Variants in KDM4C observed in about 807,000 individuals in gnomAD.
KDM4C encodes the protein lysine-specific demethylase 4C.
A neutral mutation model predicts 129.3 loss-of-function variants in KDM4C; 81 were observed. The ratio of observed to expected loss-of-function variants is 0.63; its 90% CI spans 0.52 to 0.75. KDM4C has a LOEUF of 0.75. Among genes scored for constraint, KDM4C ranks in the 30% least tolerant of loss-of-function variants. The pLI is 0.00. For missense variants in KDM4C, 1,457 were observed against 1,304.0 expected, an observed-to-expected ratio of 1.12 and a Z score of -1.81; for synonymous variants, 573 against 456.1, an observed-to-expected ratio of 1.26 and a Z score of -3.26.
At chr9:6,925,024 C>T in intron 8 of KDM4C, 1 of 985,314 alleles carries the variant, frequency 1.0e-6, no homozygotes, top group Non-Finnish European at 1.2e-6. Context: ...TTCTGAAGTT[C>T]TGAAATGAAC....
chr9:6,964,424 C>CT (rs367678144), intron 8 of KDM4C, among the ~76,000 whole-genome samples: 7 of 152,028 alleles, frequency 4.6e-5, no homozygotes, highest in African/African-American at 9.7e-5. Context: ...TGAACTCATC[C>CT]TTTTTTTATG....
intron 19 of KDM4C, among the ~76,000 whole-genome samples, chr9:7,143,523 A>T (rs1001693350): frequency 2.6e-5 from 4 of 152,176 alleles, no homozygotes; most frequent in African/African-American, 9.7e-5. Context: ...AGTAAAGCGA[A>T]ATTTACCACC....
intron 19 of KDM4C, among the ~76,000 whole-genome samples, chr9:7,159,994 A>G (rs1172287113): frequency 6.6e-6 from 1 of 152,078 alleles, no homozygotes; most frequent in Admixed American, 6.5e-5. Context: ...TGGTCTTTTC[A>G]CATAGACCCA....
At chr9:6,977,787 T>C (rs1016994014) in intron 8 of KDM4C, among the ~76,000 whole-genome samples, 13 of 152,136 alleles carry the variant, frequency 8.5e-5, no homozygotes, top group Non-Finnish European at 8.8e-5. Context: ...CCTGTGACAA[T>C]GGCCCAGTCC....
intron 1 of KDM4C, among the ~76,000 whole-genome samples, chr9:6,762,336 T>TA (rs1455034748): frequency 3.3e-5 from 5 of 151,582 alleles, no homozygotes; most frequent in African/African-American, 1.2e-4. Context: ...CTTTTTCAGT[T>TA]AAAAAAATTT....
chr9:6,912,905 A>G (rs553507306), intron 8 of KDM4C, among the ~76,000 whole-genome samples: 1 of 152,250 alleles, frequency 6.6e-6, no homozygotes, highest in African/African-American at 2.4e-5. Context: ...TATTGTTGAT[A>G]TTTCAAGAAT....
At chr9:6,836,820 A>G (rs1322493959) in intron 4 of KDM4C, among the ~76,000 whole-genome samples, 9 of 151,888 alleles carry the variant, frequency 5.9e-5, no homozygotes, top group Non-Finnish European at 1.3e-4. Flanking sequence ...TACTTTGTGA[A>G]TTTACAACTT....
intron 1 of KDM4C, among the ~76,000 whole-genome samples, chr9:6,774,993 C>CAAGGG: frequency 1.3e-5 from 2 of 152,100 alleles, no homozygotes; most frequent in Non-Finnish European, 2.9e-5. Flanking sequence ...TAGTTTAAGG[C>CAAGGG]TTTCTGAGAT....
At chr9:6,849,263 C>G (rs1482863625) in intron 4 of KDM4C, among the ~76,000 whole-genome samples, 2 of 152,178 alleles carry the variant, frequency 1.3e-5, no homozygotes, top group African/African-American at 4.8e-5. Flanking sequence ...CATCAGGAAG[C>G]TATTTGGTAT....
chr9:6,954,910 A>G (rs1828798031), intron 8 of KDM4C, among the ~76,000 whole-genome samples: 1 of 152,250 alleles, frequency 6.6e-6, no homozygotes, highest in African/African-American at 2.4e-5. Flanking sequence ...ATTGGGAATT[A>G]AAGGCCAGAA....
intron 3 of KDM4C, among the ~76,000 whole-genome samples, chr9:6,810,863 C>A (rs1371405148): frequency 6.6e-6 from 1 of 151,942 alleles, no homozygotes; most frequent in South Asian, 2.1e-4. Context: ...AAGAGCAAGA[C>A]CCTGTCTCCA....
chr9:6,889,454 C>T (rs528927081), intron 7 of KDM4C, among the ~76,000 whole-genome samples: 3 of 152,090 alleles, frequency 2.0e-5, no homozygotes, highest in Admixed American at 6.6e-5. Context: ...AGATGTGCAC[C>T]GTGGGGGCTG....
At chr9:6,791,465 C>T (rs1826596754) in intron 1 of KDM4C, among the ~76,000 whole-genome samples, 1 of 152,150 alleles carries the variant, frequency 6.6e-6, no homozygotes, top group Admixed American at 6.6e-5. Context: ...AAGGTGAAGA[C>T]AGACCTCATC....
intron 19 of KDM4C, among the ~76,000 whole-genome samples, chr9:7,134,840 A>C (rs1841020614): frequency 6.6e-6 from 1 of 152,232 alleles, no homozygotes; most frequent in South Asian, 2.1e-4. Flanking sequence ...GTTATTGGGC[A>C]GGGGCTCCTA....
At position 7,103,682 on chromosome 9, in the gene KDM4C, C is replaced by T; in HGVS notation, c.2425-3C>T. 6.2e-7 allele frequency: 1 copy of T among 1,611,614 alleles called. No individual in the cohort carries two copies. The highest frequency in any genetic ancestry group is 1.1e-5 in the South Asian group (1 of 91,018). On this transcript the variant is annotated splice_region_variant and splice_polypyrimidine_tract_variant and intron_variant, in intron 17 of 21. Transcript: ENST00000381309. The stretch of plus-strand genomic sequence containing the variant: ...GATGTTCTTCTCTGTTTTAACCTTC[C>T]AGAAATGCATCTTCTGCAGACACCG...
intron 17 of KDM4C, among the ~76,000 whole-genome samples, chr9:7,075,473 G>A (rs772555488): frequency 2.0e-5 from 3 of 152,052 alleles, no homozygotes; most frequent in South Asian, 2.1e-4. Flanking sequence ...CCTCACTGAC[G>A]GAATAAGTTA....
intron 1 of KDM4C, among the ~76,000 whole-genome samples, chr9:6,762,347 C>G (rs1368097193): frequency 6.9e-6 from 1 of 143,968 alleles, no homozygotes; most frequent in Non-Finnish European, 1.5e-5. Flanking sequence ...AAAAAAATTT[C>G]TGTTTGTAGA....
In KDM4C at chr9:6,829,415, AG is replaced by A. The variant is rs1304167354; in HGVS notation, c.435+14672del. ...GTGAGAATTCAGTGAGAATTACTAA[AG>A]GAGAAAGAACATGAAACTCAGAGGT... is the stretch of plus-strand genomic sequence containing the variant. On this transcript the variant is annotated intron_variant, in intron 4 of 21. Coordinates refer to ENST00000381309, the MANE Select transcript of KDM4C (RefSeq NM_015061.6). 2.0e-5 allele frequency among the ~76,000 whole-genome samples: 3 copies of A among 152,230 alleles called. No individual in the cohort carries two copies. The East Asian group carries it at 5.8e-4, about 29-fold the overall frequency.
chr9:6,790,273 T>C (rs369152165), intron 1 of KDM4C, among the ~76,000 whole-genome samples: 5 of 150,196 alleles, frequency 3.3e-5, no homozygotes, highest in East Asian at 2.0e-4. Context: ...TGTTTTTTTG[T>C]TTTTGTTTTT....
Sources: gnomAD v4.1 joint callset for allele counts (sites outside exome capture counted in the v4.1 genomes callset) on GRCh38, gnomAD v4.1.1 for gene constraint, MANE v1.5 for transcripts, NCBI Gene and HGNC (gene_info 2026-07-23, HGNC 2026-07-21) for gene names.